TAFA4: variants seen among roughly 807,000 people sequenced by gnomAD.
The protein encoded by TAFA4 is chemokine-like protein TAFA-4.
TAFA4 carries 20 observed loss-of-function variants against 21.1 expected under a neutral mutation model. That is an observed-to-expected ratio of 0.95 (90% CI 0.67 to 1.38). The LOEUF is 1.38. TAFA4 is among the 40% of genes most tolerant of loss of function. TAFA4 has a pLI of 0.00. For synonymous variants in TAFA4, 71 were observed against 67.4 expected (o/e 1.05, Z -0.26); for missense variants, 211 against 180.9 (o/e 1.17, Z -0.95).
At position 68,932,314 on chromosome 3, in the gene TAFA4, A is replaced by C. The variant is rs2090166352; in HGVS notation, c.-197T>G. 6.6e-6 allele frequency: 1 copy of C among 152,216 alleles called. No individual in the cohort carries two copies. The highest frequency in any genetic ancestry group is 6.5e-5 in the Admixed American group (1 of 15,288). The allele number at this position is 152,216 out of a possible 1,614,324, so 9.4% of individuals were successfully genotyped here. The stretch of plus-strand genomic sequence containing the variant: ...CTGATCGCCGCACCGGAGCCCGAGG[A>C]CGCTCACCGTGCCGCCTCCCCGCGG... On this transcript the variant is annotated 5_prime_UTR_variant, in exon 1 of 6. Coordinates refer to ENST00000295569, the MANE Select transcript of TAFA4 (RefSeq NM_182522.5).
chr3:68,888,467 C>G (rs901410756), intron 1 of TAFA4, among the ~76,000 whole-genome samples: 3 of 152,156 alleles, frequency 2.0e-5, no homozygotes, highest in Non-Finnish European at 4.4e-5. Flanking sequence ...CAAAACTGTT[C>G]CAGCCTCTAC....
rs367787739 is a variant in TAFA4 at position 68,905,460 on chromosome 3, G to A, written c.-122-20150C>T. On this transcript the variant is annotated intron_variant, in intron 1 of 5. Transcript: ENST00000295569. ...TTGGATTACAGGTGTGAGCCACTGC[G>A]CCCGGCCGGTCTCTGCTTTCATACT... 3.3e-5 allele frequency among the ~76,000 whole-genome samples: 5 copies of A among 152,126 alleles called. No homozygotes were observed. The South Asian group carries it at 6.2e-4, about 19-fold the overall frequency.
At chr3:68,753,360 G>T (rs1380299581) in intron 3 of TAFA4, among the ~76,000 whole-genome samples, 1 of 132,698 alleles carries the variant, frequency 7.5e-6, no homozygotes, top group African/African-American at 2.8e-5. Context: ...TTTTGAGAGA[G>T]AATCTCACTC....
intron 3 of TAFA4, among the ~76,000 whole-genome samples, chr3:68,816,337 C>G (rs1299280223): frequency 6.6e-6 from 1 of 152,044 alleles, no homozygotes; most frequent in Non-Finnish European, 1.5e-5. Context: ...AGTAATTCTT[C>G]CAATCCATGA....
At chr3:68,889,890 T>A (rs1294593079) in intron 1 of TAFA4, among the ~76,000 whole-genome samples, 1 of 152,058 alleles carries the variant, frequency 6.6e-6, no homozygotes, top group Non-Finnish European at 1.5e-5. Flanking sequence ...AAAATAGTCA[T>A]CCTCAGAATG....
In TAFA4 at chr3:68,922,001, C is replaced by T. The variant is rs535786248; in HGVS notation, c.-123+10239G>A. Among the ~76,000 whole-genome samples the T allele has an allele frequency of 1.4e-4, 21 of 152,284 alleles. No homozygotes were observed. In the East Asian group the frequency reaches 1.7e-3, roughly 13 times the overall value. ...TTTCTCGGGCACAACACTGATCCAACGAACATTTAATTTGTACTTTTGGTT... is the reference window on the plus strand; with the variant it reads ...TTTCTCGGGCACAACACTGATCCAATGAACATTTAATTTGTACTTTTGGTT... On this transcript the variant is annotated intron_variant, in intron 1 of 5. Coordinates refer to ENST00000295569, the MANE Select transcript of TAFA4 (RefSeq NM_182522.5).
intron 1 of TAFA4, among the ~76,000 whole-genome samples, chr3:68,901,692 A>T (rs984556610): frequency 1.3e-5 from 2 of 152,216 alleles, no homozygotes; most frequent in Admixed American, 1.3e-4. Flanking sequence ...GCAGAAAGTT[A>T]TATTGAATAG....
Position 68,778,602 on chromosome 3 carries a change from G to A in TAFA4, c.131-25584C>T, listed in dbSNP as rs1444230662. 2.6e-5 allele frequency among the ~76,000 whole-genome samples: 4 copies of A among 152,166 alleles called. No individual in the cohort carries two copies. The South Asian group carries it at 8.3e-4, about 32-fold the overall frequency. On this transcript the variant is annotated intron_variant, in intron 3 of 5. Coordinates refer to ENST00000295569, the MANE Select transcript of TAFA4 (RefSeq NM_182522.5). The stretch of plus-strand genomic sequence containing the variant: ...ACAGTGAATAAGTTTTACAAGATCT[G>A]ATGGTTTTAAAAAGAGGTGTTCCCC...
At chr3:68,836,916 T>C (rs1162751222) in intron 3 of TAFA4, among the ~76,000 whole-genome samples, 1 of 152,216 alleles carries the variant, frequency 6.6e-6, no homozygotes, top group Non-Finnish European at 1.5e-5. Flanking sequence ...TTACCTGTCA[T>C]GTGGAAAATG....
At chr3:68,843,156 C>T (rs1002416333) in intron 3 of TAFA4, among the ~76,000 whole-genome samples, 2 of 152,142 alleles carry the variant, frequency 1.3e-5, no homozygotes, top group African/African-American at 2.4e-5. Flanking sequence ...TTGATTCTTC[C>T]TATCCATGAG....
intron 1 of TAFA4, among the ~76,000 whole-genome samples, chr3:68,920,818 G>T (rs2090053714): frequency 6.6e-6 from 1 of 151,868 alleles, no homozygotes; most frequent in Non-Finnish European, 1.5e-5. Context: ...CACATGCCAT[G>T]TTCTACAGTA....
chr3:68,821,795 C>T (rs561868624), intron 3 of TAFA4, among the ~76,000 whole-genome samples: 81 of 152,188 alleles, frequency 5.3e-4, no homozygotes, highest in African/African-American at 1.8e-3. Context: ...GTGTTTTACC[C>T]TTATGTTACT....
intron 3 of TAFA4, among the ~76,000 whole-genome samples, chr3:68,853,805 G>A (rs1004039702): frequency 6.6e-6 from 1 of 152,154 alleles, no homozygotes; most frequent in African/African-American, 2.4e-5. Context: ...CTTTTGGCTA[G>A]CTGTTCAACT....
intron 4 of TAFA4, among the ~76,000 whole-genome samples, chr3:68,752,165 G>A (rs1422825365): frequency 6.6e-6 from 1 of 152,122 alleles, no homozygotes; most frequent in Non-Finnish European, 1.5e-5. Flanking sequence ...TTTCAGGGAG[G>A]TTTCGTGACA....
At chr3:68,911,789 G>C (rs2089963698) in intron 1 of TAFA4, among the ~76,000 whole-genome samples, 1 of 152,318 alleles carries the variant, frequency 6.6e-6, no homozygotes, top group South Asian at 2.1e-4. Context: ...CCTAGGAAGG[G>C]TGTGCATACG....
chr3:68,829,020 A>G (rs954047739), intron 3 of TAFA4, among the ~76,000 whole-genome samples: 3 of 152,152 alleles, frequency 2.0e-5, no homozygotes, highest in Non-Finnish European at 4.4e-5. Context: ...TGATATTGTG[A>G]TTGGCTTCAC....
In TAFA4 at chr3:68,745,197, G is replaced by T. The variant is rs146608661; in HGVS notation, c.287-5998C>A. 3.2e-3 allele frequency among the ~76,000 whole-genome samples: 492 copies of T among 152,288 alleles called. 5 individuals are homozygous for T. Among genetic ancestry groups the T allele is most frequent in the African/African-American group, 0.011 (444 of 41,548 alleles). On this transcript the variant is annotated intron_variant, in intron 4 of 5. Coordinates refer to ENST00000295569, the MANE Select transcript of TAFA4 (RefSeq NM_182522.5). ...TGACAGAGAATAAGGTGATTAAACA[G>T]CCAGGAAATTTAAGCTTCGAGTGCA...
At chr3:68,757,459 G>C (rs572262548) in intron 3 of TAFA4, among the ~76,000 whole-genome samples, 20 of 152,162 alleles carry the variant, frequency 1.3e-4, no homozygotes, top group African/African-American at 4.6e-4. Flanking sequence ...ATCATGCCTT[G>C]GTTAGATTAC....
intron 2 of TAFA4, among the ~76,000 whole-genome samples, chr3:68,881,952 G>A (rs146987493): frequency 3.3e-5 from 5 of 152,206 alleles, no homozygotes; most frequent in East Asian, 1.9e-4. Flanking sequence ...ACCATACGCC[G>A]AGGCACACAC....
Sources: gnomAD v4.1 joint callset for allele counts (sites outside exome capture counted in the v4.1 genomes callset) on GRCh38, gnomAD v4.1.1 for gene constraint, MANE v1.5 for transcripts, NCBI Gene and HGNC (gene_info 2026-07-23, HGNC 2026-07-21) for gene names.